SLC9A9: variants seen among roughly 807,000 people sequenced by gnomAD.
SLC9A9 encodes the protein solute carrier family 9 member A9, also known as sodium/hydrogen exchanger 9.
SLC9A9 carries 62 observed loss-of-function variants against 77.8 expected under a neutral mutation model. That is an observed-to-expected ratio of 0.80 (90% CI 0.65 to 0.98). The LOEUF (loss-of-function observed/expected upper bound fraction) is 0.98, where lower values mean the gene tolerates loss of function less well. Ranked by LOEUF, SLC9A9 falls within the 50% of genes least tolerant of loss-of-function variation. SLC9A9 has a pLI of 0.00. For synonymous variants in SLC9A9, 320 were observed against 283.5 expected, an observed-to-expected ratio of 1.13 and a Z score of -1.29; for missense variants, 775 against 774.9, an observed-to-expected ratio of 1.00 and a Z score of 0.00.
intron 4 of SLC9A9, among the ~76,000 whole-genome samples, chr3:143,698,538 A>G (rs781286421): frequency 6.6e-6 from 1 of 152,172 alleles, no homozygotes; most frequent in African/African-American, 2.4e-5. Flanking sequence ...ACTGATTTTA[A>G]ATTTCATGAG....
chr3:143,583,339 T>C (rs1228621870), intron 6 of SLC9A9, among the ~76,000 whole-genome samples: 1 of 152,234 alleles, frequency 6.6e-6, no homozygotes, highest in African/African-American at 2.4e-5. Context: ...TTTTGAAATG[T>C]ATGAAGTATC....
intron 14 of SLC9A9, among the ~76,000 whole-genome samples, chr3:143,271,948 T>C (rs1937911206): frequency 6.6e-6 from 1 of 152,186 alleles, no homozygotes; most frequent in Non-Finnish European, 1.5e-5. Context: ...TGTTTGGATT[T>C]AGAATATAGG....
chr3:143,684,394 T>C (rs1039533579), intron 5 of SLC9A9, among the ~76,000 whole-genome samples: 34 of 152,188 alleles, frequency 2.2e-4, no homozygotes, highest in African/African-American at 7.2e-4. Flanking sequence ...ATGAAAAAAA[T>C]CATGGACTGT....
At chr3:143,762,038 G>A (rs976150304) in intron 4 of SLC9A9, among the ~76,000 whole-genome samples, 1 of 152,184 alleles carries the variant, frequency 6.6e-6, no homozygotes, top group Non-Finnish European at 1.5e-5. Flanking sequence ...CATGTCCTTT[G>A]TAGGGACATG....
intron 9 of SLC9A9, among the ~76,000 whole-genome samples, chr3:143,524,456 T>G (rs1193438615): frequency 1.3e-5 from 2 of 152,150 alleles, no homozygotes; most frequent in African/African-American, 2.4e-5. Context: ...CAGATCAGCT[T>G]TAATAAACAG....
chr3:143,354,678 T>C (rs770118238), intron 14 of SLC9A9, among the ~76,000 whole-genome samples: 21 of 152,252 alleles, frequency 1.4e-4, no homozygotes, highest in Non-Finnish European at 4.4e-5. Context: ...TATACTCTTT[T>C]TTCATGGGAA....
intron 6 of SLC9A9, among the ~76,000 whole-genome samples, chr3:143,590,067 G>T (rs1222434589): frequency 6.6e-6 from 1 of 152,174 alleles, no homozygotes; most frequent in Non-Finnish European, 1.5e-5. Flanking sequence ...CCTCTATATT[G>T]AATGGGTTTT....
intron 4 of SLC9A9, among the ~76,000 whole-genome samples, chr3:143,748,201 C>T (rs1935240964): frequency 6.6e-6 from 1 of 152,198 alleles, no homozygotes; most frequent in Non-Finnish European, 1.5e-5. Context: ...TGGTGACTTG[C>T]CGTAGAACTT....
intron 4 of SLC9A9, among the ~76,000 whole-genome samples, chr3:143,701,536 C>G (rs1467429496): frequency 2.0e-5 from 3 of 152,006 alleles, no homozygotes; most frequent in Non-Finnish European, 4.4e-5. Context: ...GCATCGGAGT[C>G]TTTCAACAGC....
chr3:143,669,844 T>C (rs2039131252), intron 5 of SLC9A9, among the ~76,000 whole-genome samples: 1 of 152,208 alleles, frequency 6.6e-6, no homozygotes, highest in South Asian at 2.1e-4. Flanking sequence ...TTTTGGAGAA[T>C]AATTAATTGG....
At chr3:143,295,630 G>C (rs2030230409) in intron 14 of SLC9A9, among the ~76,000 whole-genome samples, 1 of 152,122 alleles carries the variant, frequency 6.6e-6, no homozygotes, top group African/African-American at 2.4e-5. Flanking sequence ...ACCCACAGAG[G>C]ATGTCATTAA....
chr3:143,299,575 C>G lies in SLC9A9; in HGVS notation c.1605-30595G>C, dbSNP rs137857054. ...TCTCCTGCCTCAGCCTCCCCAGTAG[C>G]TGGGACTACAGGTGCCTGCCACCTC... On this transcript the variant is annotated intron_variant, in intron 14 of 15. Transcript: ENST00000316549. Among the ~76,000 whole-genome samples the G allele has an allele frequency of 1.3e-3, 193 of 152,246 alleles. No individual in the cohort carries two copies. In the East Asian group the frequency reaches 0.03, roughly 24 times the overall value.
chr3:143,429,380 T>C (rs2034466470), intron 12 of SLC9A9, among the ~76,000 whole-genome samples: 1 of 152,140 alleles, frequency 6.6e-6, no homozygotes, highest in Non-Finnish European at 1.5e-5. Context: ...AGAGTCCAAC[T>C]TGAGATGTCA....
At chr3:143,528,392 T>A (rs191975977) in intron 9 of SLC9A9, among the ~76,000 whole-genome samples, 27 of 152,380 alleles carry the variant, frequency 1.8e-4, no homozygotes, top group African/African-American at 6.3e-4. Context: ...CCTAGTATTA[T>A]GATGAGTTTG....
intron 9 of SLC9A9, chr3:143,517,542 T>C: frequency 6.3e-7 from 1 of 1,597,706 alleles, no homozygotes; most frequent in Non-Finnish European, 8.5e-7. Context: ...TCTGCAATTT[T>C]CTGTGCCCTA....
chr3:143,712,043 C>T (rs1299194267), intron 4 of SLC9A9, among the ~76,000 whole-genome samples: 1 of 152,152 alleles, frequency 6.6e-6, no homozygotes, highest in Non-Finnish European at 1.5e-5. Flanking sequence ...CCTATCACCT[C>T]GATATATGGA....
chr3:143,727,325 G>C (rs1280144079), intron 4 of SLC9A9, among the ~76,000 whole-genome samples: 1 of 151,958 alleles, frequency 6.6e-6, no homozygotes, highest in East Asian at 1.9e-4. Context: ...ATAAAGGCAG[G>C]AGCCTTTATC....
intron 14 of SLC9A9, chr3:143,347,076 C>T (rs763930633): frequency 3.9e-5 from 6 of 152,126 alleles, no homozygotes; most frequent in East Asian, 1.9e-4. Context: ...AACAATTCAA[C>T]GATCTTAACT....
At chr3:143,306,070 AC>A (rs2030767815) in intron 14 of SLC9A9, among the ~76,000 whole-genome samples, 1 of 151,986 alleles carries the variant, frequency 6.6e-6, no homozygotes, top group South Asian at 2.1e-4. Flanking sequence ...TAAAAAAAAA[AC>A]CCTCTAAAAT....
Sources: gnomAD v4.1 joint callset for allele counts (sites outside exome capture counted in the v4.1 genomes callset) on GRCh38, gnomAD v4.1.1 for gene constraint, MANE v1.5 for transcripts, NCBI Gene and HGNC (gene_info 2026-07-23, HGNC 2026-07-21) for gene names.